The following BCL2 variants were observed in gnomAD, a reference collection of about 807,000 sequenced individuals.
The protein encoded by BCL2 is BCL2 apoptosis regulator, also known as apoptosis regulator Bcl-2.
A neutral mutation model predicts 14.2 loss-of-function variants in BCL2; 1 was observed. The observed-to-expected ratio is 0.07, with a 90% confidence interval of 0.02 to 0.33. The LOEUF (loss-of-function observed/expected upper bound fraction) is 0.33. Ranked by LOEUF, BCL2 falls within the 10% of genes least tolerant of loss-of-function variation. The pLI, the probability that BCL2 is intolerant of heterozygous loss-of-function variation, is 0.99. For missense variants in BCL2, 247 were observed against 305.9 expected (o/e 0.81, Z 1.44); for synonymous variants, 151 against 137.2 (o/e 1.10, Z -0.70).
At chr18:63,262,946 C>T (rs1409520237) in intron 2 of BCL2, among the ~76,000 whole-genome samples, 2 of 152,200 alleles carry the variant, frequency 1.3e-5, no homozygotes, top group Non-Finnish European at 2.9e-5. Context: ...TCCACAAAGC[C>T]AGAATTCTCC....
At chr18:63,282,504 T>C (rs1380203063) in intron 2 of BCL2, among the ~76,000 whole-genome samples, 1 of 152,226 alleles carries the variant, frequency 6.6e-6, no homozygotes, top group Non-Finnish European at 1.5e-5. Flanking sequence ...TTCATTTATT[T>C]GTCTTTTTTC....
intron 2 of BCL2, among the ~76,000 whole-genome samples, chr18:63,226,188 C>T (rs1025436233): frequency 2.0e-5 from 3 of 152,218 alleles, no homozygotes; most frequent in South Asian, 2.1e-4. Flanking sequence ...TTCTCTCCAA[C>T]GTCCAACTGT....
At chr18:63,224,241 T>C (rs927553984) in intron 2 of BCL2, among the ~76,000 whole-genome samples, 1 of 152,060 alleles carries the variant, frequency 6.6e-6, no homozygotes, top group Non-Finnish European at 1.5e-5. Flanking sequence ...TCCCAAATAA[T>C]AGAAGTTCTG....
At chr18:63,152,684 A>T (rs1029686262) in intron 2 of BCL2, among the ~76,000 whole-genome samples, 1 of 152,230 alleles carries the variant, frequency 6.6e-6, no homozygotes, top group African/African-American at 2.4e-5. Flanking sequence ...AGGCAAAACA[A>T]TAGCTTATCA....
At chr18:63,305,764 A>G (rs1913109290) in intron 2 of BCL2, among the ~76,000 whole-genome samples, 1 of 152,214 alleles carries the variant, frequency 6.6e-6, no homozygotes, top group East Asian at 1.9e-4. Flanking sequence ...TAAAAGTGAA[A>G]TAAGAAAAAA....
intron 2 of BCL2, among the ~76,000 whole-genome samples, chr18:63,270,375 A>G (rs368549591): frequency 1.3e-5 from 2 of 152,230 alleles, no homozygotes; most frequent in East Asian, 3.8e-4. Context: ...ATCATACAGT[A>G]GTATAATGTA....
chr18:63,235,567 G>A (rs546845390), intron 2 of BCL2, among the ~76,000 whole-genome samples: 1 of 151,284 alleles, frequency 6.6e-6, no homozygotes, highest in Non-Finnish European at 1.5e-5. Context: ...TATAGTTTAA[G>A]GATACACACA....
rs141079115 is a variant in BCL2, at chr18:63,258,017, G to A, written c.585+60065C>T. On this transcript the variant is annotated intron_variant, in intron 2 of 2. Coordinates refer to ENST00000333681, the MANE Select transcript of BCL2 (RefSeq NM_000633.3). ...ATTTGGAAACACGGTCTTTGTAAAT[G>A]TAATCAAGTTAAGAGGAGGTCGTTA... Among the ~76,000 whole-genome samples, 206 of 152,354 alleles carry A rather than the reference G, an allele frequency of 1.4e-3. 2 individuals are homozygous for A. Among genetic ancestry groups the A allele is most frequent in the African/African-American group, 4.6e-3 (192 of 41,588 alleles).
chr18:63,228,956 C>T (rs111617598), intron 2 of BCL2, among the ~76,000 whole-genome samples: 4 of 152,308 alleles, frequency 2.6e-5, no homozygotes, highest in East Asian at 1.9e-4. Context: ...GTGATCTGCC[C>T]GCCTCTGCCT....
intron 2 of BCL2, among the ~76,000 whole-genome samples, chr18:63,210,945 C>T (rs944170632): frequency 6.6e-6 from 1 of 152,102 alleles, no homozygotes; most frequent in African/African-American, 2.4e-5. Flanking sequence ...TTTCATTTCA[C>T]CTAAGCCCAA....
intron 2 of BCL2, among the ~76,000 whole-genome samples, chr18:63,156,807 C>G (rs1914795507): frequency 6.6e-6 from 1 of 152,218 alleles, no homozygotes; most frequent in Non-Finnish European, 1.5e-5. Flanking sequence ...ACCCAAAGCC[C>G]TCATTCCCCA....
Position 63,241,987 on chromosome 18 carries a change from CAACA to C in BCL2, c.585+76091_585+76094del, listed in dbSNP as rs1184375108. 4.6e-5 allele frequency among the ~76,000 whole-genome samples: 7 copies of C among 152,300 alleles called. No individual in the cohort carries two copies. In the East Asian group the frequency reaches 1.2e-3, roughly 25 times the overall value. On this transcript the variant is annotated intron_variant, in intron 2 of 2. Coordinates refer to ENST00000333681, the MANE Select transcript of BCL2 (RefSeq NM_000633.3). Reference sequence around the variant, plus strand: ...CCTTTCCAAGGTATGAGGAAATATACAACAAACAATGTACCAATGAGCACCCCGG... The same window carrying C: ...CCTTTCCAAGGTATGAGGAAATATACAACAATGTACCAATGAGCACCCCGG...
intron 2 of BCL2, among the ~76,000 whole-genome samples, chr18:63,293,127 A>G (rs1172038567): frequency 6.6e-6 from 1 of 152,184 alleles, no homozygotes; most frequent in African/African-American, 2.4e-5. Flanking sequence ...CCCACCCCGC[A>G]GAGCCCAGCC....
chr18:63,166,516 T>A lies in BCL2; in HGVS notation c.586-37757A>T, dbSNP rs547181728. 4.6e-5 allele frequency among the ~76,000 whole-genome samples: 7 copies of A among 152,312 alleles called. No individual in the cohort carries two copies. In the South Asian group the frequency reaches 1.2e-3, roughly 27 times the overall value. ...TCTCACTGGCCAAGCCCATACGATA[T>A]CATGATCAGATCATGGAAAACGTAT... On this transcript the variant is annotated intron_variant, in intron 2 of 2. Transcript: ENST00000333681.
At chr18:63,184,067 T>C (rs1054045143) in intron 2 of BCL2, among the ~76,000 whole-genome samples, 2 of 152,214 alleles carry the variant, frequency 1.3e-5, no homozygotes, top group African/African-American at 4.8e-5. Context: ...CTGAAGTGTT[T>C]GATTACAACT....
chr18:63,316,238 C>T (rs547583921), intron 2 of BCL2: 1 of 152,296 alleles, frequency 6.6e-6, no homozygotes, highest in African/African-American at 2.4e-5. Context: ...CTGTCATAAA[C>T]ATGTGTCTCT....
chr18:63,286,557 G>A (rs577363556), intron 2 of BCL2, among the ~76,000 whole-genome samples: 2 of 152,264 alleles, frequency 1.3e-5, no homozygotes, highest in East Asian at 3.9e-4. Flanking sequence ...ATGGGAGGTA[G>A]ACTGGAAAGT....
At chr18:63,215,905 G>T (rs929391601) in intron 2 of BCL2, among the ~76,000 whole-genome samples, 2 of 152,020 alleles carry the variant, frequency 1.3e-5, no homozygotes, top group African/African-American at 2.4e-5. Flanking sequence ...ACAACCACAT[G>T]AATTATTTAC....
At chr18:63,200,547 C>T (rs12454650) in intron 2 of BCL2, among the ~76,000 whole-genome samples, 87,119 of 152,054 alleles carry the variant, frequency 0.57, 27,527 homozygotes, top group Non-Finnish European at 0.72. Context: ...CCTACACTCC[C>T]GCGTATAAGA....
Sources: gnomAD v4.1 joint callset for allele counts (sites outside exome capture counted in the v4.1 genomes callset) on GRCh38, gnomAD v4.1.1 for gene constraint, MANE v1.5 for transcripts, NCBI Gene and HGNC (gene_info 2026-07-23, HGNC 2026-07-21) for gene names.